The following ELMO1 variants were observed in gnomAD, a reference collection of about 807,000 sequenced individuals.
ELMO1 encodes the protein engulfment and cell motility 1.
In ELMO1, 26 loss-of-function variants were observed where a neutral mutation model predicts 98.9. The observed-to-expected ratio is 0.26, with a 90% CI of 0.19 to 0.36. The LOEUF (loss-of-function observed/expected upper bound fraction) is 0.36. ELMO1 is among the 10% of genes least tolerant of loss of function. ELMO1 has a pLI of 1.00. For missense variants in ELMO1, 627 were observed against 935.2 expected (o/e 0.67, Z 4.30); for synonymous variants, 346 against 346.0 (o/e 1.00, Z 0.00).
chr7:36,929,686 TAG>T (rs903919341), intron 16 of ELMO1, among the ~76,000 whole-genome samples: 2 of 152,200 alleles, frequency 1.3e-5, no homozygotes, highest in Non-Finnish European at 2.9e-5. Flanking sequence ...GAGTATGTCT[TAG>T]ACTCACTGTA....
chr7:37,423,260 T>C lies in ELMO1; in HGVS notation c.-74+25415A>G, dbSNP rs138661615. Among the ~76,000 whole-genome samples the C allele has an allele frequency of 1.6e-3, 249 of 152,336 alleles. 1 individual carries two copies. Among genetic ancestry groups the C allele is most frequent in the East Asian group, 8.1e-3 (42 of 5,190 alleles). On this transcript the variant is annotated intron_variant, in intron 1 of 21. Transcript: ENST00000310758. Reference sequence around the variant, plus strand: ...TAAGTCTGTGTCTCTTTACCTAATGTCTAAAGATACTTCTGAGGCTAAATA... The same window carrying C: ...TAAGTCTGTGTCTCTTTACCTAATGCCTAAAGATACTTCTGAGGCTAAATA...
At chr7:37,169,905 C>T (rs746149199) in intron 13 of ELMO1, among the ~76,000 whole-genome samples, 2 of 152,066 alleles carry the variant, frequency 1.3e-5, no homozygotes, top group African/African-American at 2.4e-5. Context: ...CTAAAATGCA[C>T]ATTTCTTTTT....
intron 15 of ELMO1, among the ~76,000 whole-genome samples, chr7:37,082,124 G>A (rs1042368381): frequency 6.6e-6 from 1 of 152,186 alleles, no homozygotes; most frequent in Non-Finnish European, 1.5e-5. Context: ...CCATGTGTCA[G>A]GTTTATTTAG....
At chr7:36,993,241 A>G (rs527520322) in intron 16 of ELMO1, among the ~76,000 whole-genome samples, 1 of 152,216 alleles carries the variant, frequency 6.6e-6, no homozygotes, top group African/African-American at 2.4e-5. Flanking sequence ...CATAGGCCCA[A>G]TGAGTCACCA....
At chr7:37,126,455 G>A (rs1786531862) in intron 14 of ELMO1, among the ~76,000 whole-genome samples, 1 of 151,812 alleles carries the variant, frequency 6.6e-6, no homozygotes, top group South Asian at 2.1e-4. Context: ...CAGTGCCGTT[G>A]TTTAAAATTA....
chr7:37,212,288 G>A (rs1793020162), intron 12 of ELMO1, among the ~76,000 whole-genome samples: 1 of 152,296 alleles, frequency 6.6e-6, no homozygotes, highest in East Asian at 1.9e-4. Context: ...GATAAAAAGA[G>A]TTCTGGAGAT....
At chr7:37,188,500 A>AAAAAAAT (rs1791375027) in intron 13 of ELMO1, among the ~76,000 whole-genome samples, 2 of 134,048 alleles carry the variant, frequency 1.5e-5, no homozygotes, top group African/African-American at 5.5e-5. Flanking sequence ...AAAAAAAAAA[A>AAAAAAAT]AAATAATAAT....
chr7:37,043,815 C>T (rs1180226250), intron 15 of ELMO1, among the ~76,000 whole-genome samples: 1 of 151,976 alleles, frequency 6.6e-6, no homozygotes, highest in Non-Finnish European at 1.5e-5. Context: ...GGAACTGGGG[C>T]CAAAGGCTAG....
At chr7:37,440,050 T>C (rs1374461124) in intron 1 of ELMO1, among the ~76,000 whole-genome samples, 1 of 152,044 alleles carries the variant, frequency 6.6e-6, no homozygotes, top group Non-Finnish European at 1.5e-5. Context: ...ATTTAATATA[T>C]CAAAGAATCG....
chr7:37,041,990 A>G (rs1795536592), intron 15 of ELMO1, among the ~76,000 whole-genome samples: 1 of 152,132 alleles, frequency 6.6e-6, no homozygotes, highest in Non-Finnish European at 1.5e-5. Context: ...TATTTTGTTA[A>G]AGAGAGTTAC....
In ELMO1 at chr7:37,342,954, T is replaced by C. The variant is rs1335431995; in HGVS notation, c.-73-191A>G. On this transcript the variant is annotated intron_variant, in intron 1 of 21. Coordinates refer to ENST00000310758, the MANE Select transcript of ELMO1 (RefSeq NM_014800.11). This position sits in a 1 kb window ranked among gnomAD's most constrained non-coding sequence, Gnocchi z 4.3. ...CCTGAGGAAAGAAGAAAGATGGGGG[T>C]GCCCGTGCCAACGCCCTTGAGTCAA... The C allele has an allele frequency of 2.6e-6, 1 of 384,926 alleles. No individual in the cohort carries two copies. Among genetic ancestry groups the C allele is most frequent in the Non-Finnish European group, 4.7e-6 (1 of 213,240 alleles). The allele number at this position is 384,926 out of a possible 1,614,324, so 23.8% of individuals were successfully genotyped here.
In ELMO1 at chr7:37,058,190, A is replaced by G. The variant is rs74434167; in HGVS notation, c.1300+38429T>C. Among the ~76,000 whole-genome samples, 1,367 of 152,220 alleles carry G rather than the reference A, an allele frequency of 9.0e-3. 6 individuals carry two copies. The highest frequency in any genetic ancestry group is 0.014 in the Middle Eastern group (4 of 294). Reference sequence around the variant, plus strand: ...AGTCTAGAGTTCCTTCGACTCTATCAATGCTAAGGTCCCTTCTCCTTCTCA... The same window carrying G: ...AGTCTAGAGTTCCTTCGACTCTATCGATGCTAAGGTCCCTTCTCCTTCTCA... On this transcript the variant is annotated intron_variant, in intron 15 of 21. Transcript: ENST00000310758.
At chr7:36,967,822 T>C (rs970025663) in intron 16 of ELMO1, among the ~76,000 whole-genome samples, 4 of 152,180 alleles carry the variant, frequency 2.6e-5, no homozygotes, top group Non-Finnish European at 4.4e-5. Flanking sequence ...TCATGCCCCT[T>C]TCAGGGAAAT....
chr7:37,010,656 A>C (rs1793480910), intron 16 of ELMO1, among the ~76,000 whole-genome samples: 1 of 152,260 alleles, frequency 6.6e-6, no homozygotes, highest in African/African-American at 2.4e-5. Context: ...TCTGGAAAGA[A>C]ACACAGCTCT....
intron 1 of ELMO1, among the ~76,000 whole-genome samples, chr7:37,380,933 C>T (rs1802553449): frequency 6.6e-6 from 1 of 152,098 alleles, no homozygotes; most frequent in African/African-American, 2.4e-5. Flanking sequence ...ACTCTTAGGG[C>T]CATTTTAAAA....
At chr7:37,053,002 C>A (rs1449547443) in intron 15 of ELMO1, among the ~76,000 whole-genome samples, 1 of 152,142 alleles carries the variant, frequency 6.6e-6, no homozygotes, top group Non-Finnish European at 1.5e-5. Flanking sequence ...GGGTGTCAGG[C>A]AGAAAGAATC....
chr7:37,236,703 T>TC (rs1172453570), intron 7 of ELMO1, among the ~76,000 whole-genome samples: 1 of 152,188 alleles, frequency 6.6e-6, no homozygotes, highest in Non-Finnish European at 1.5e-5. Flanking sequence ...TTTTCCAAAT[T>TC]CAACTTCAAA....
At chr7:37,004,907 G>T (rs936925863) in intron 16 of ELMO1, among the ~76,000 whole-genome samples, 1 of 151,826 alleles carries the variant, frequency 6.6e-6, no homozygotes, top group African/African-American at 2.4e-5. Flanking sequence ...TCAGGATAGC[G>T]AGACCATTCT....
intron 13 of ELMO1, among the ~76,000 whole-genome samples, chr7:37,179,940 C>T (rs1167935564): frequency 6.6e-6 from 1 of 152,122 alleles, no homozygotes; most frequent in Non-Finnish European, 1.5e-5. Context: ...TTCACCATGC[C>T]ATAGAAGACT....
Sources: gnomAD v4.1 joint callset for allele counts (sites outside exome capture counted in the v4.1 genomes callset) on GRCh38, gnomAD v4.1.1 for gene constraint, Gnocchi (gnomAD v3.1) non-coding constraint, MANE v1.5 for transcripts, NCBI Gene and HGNC (gene_info 2026-07-23, HGNC 2026-07-21) for gene names.